The following GSE1 variants were observed in gnomAD, a reference collection of about 807,000 sequenced individuals.
GSE1 encodes genetic suppressor element 1.
A neutral mutation model predicts 112.6 loss-of-function variants in GSE1; 32 were observed. The ratio of observed to expected loss-of-function variants is 0.28; its 90% confidence interval spans 0.21 to 0.38. The LOEUF is 0.38. GSE1 is among the 10% of genes least tolerant of loss of function. The pLI is 1.00. For synonymous variants in GSE1, 1,115 were observed against 735.6 expected (o/e 1.52, Z -8.35); for missense variants, 2,348 against 1,699.2 (o/e 1.38, Z -6.71).
intron 1 of GSE1, among the ~76,000 whole-genome samples, chr16:85,307,092 G>A (rs997989687): frequency 6.6e-6 from 1 of 151,866 alleles, no homozygotes; most frequent in Non-Finnish European, 1.5e-5. Context: ...GTTGTTCTGT[G>A]CTCTGGTCAC....
intron 1 of GSE1, among the ~76,000 whole-genome samples, chr16:85,350,221 T>G (rs997786912): frequency 6.6e-6 from 1 of 152,160 alleles, no homozygotes; most frequent in African/African-American, 2.4e-5. Context: ...GCCAGAGCAG[T>G]TGTGGCTCGC....
chr16:85,667,652 G>A lies in GSE1; in HGVS notation c.3131-488G>A, dbSNP rs2052980915. ...GCGGGCAGATCACCTGAGGTCCGGA[G>A]TTTGAAACCAGCCTGGGCCAACATG... On this transcript the variant is annotated intron_variant, in intron 13 of 15. Coordinates refer to ENST00000253458, the MANE Select transcript of GSE1 (RefSeq NM_014615.5). Among the ~76,000 whole-genome samples the A allele has an allele frequency of 2.6e-5, 4 of 152,236 alleles. No individual in the cohort carries two copies. In the South Asian group the frequency reaches 8.3e-4, roughly 31 times the overall value.
At chr16:85,184,435 C>T (rs1385667407) in intron 1 of GSE1, among the ~76,000 whole-genome samples, 1 of 152,228 alleles carries the variant, frequency 6.6e-6, no homozygotes, top group African/African-American at 2.4e-5. Flanking sequence ...TTTCTAACCT[C>T]AGTGATGCCT....
chr16:85,205,797 A>G (rs183354357), intron 1 of GSE1, among the ~76,000 whole-genome samples: 25 of 152,230 alleles, frequency 1.6e-4, no homozygotes, highest in Non-Finnish European at 2.6e-4. Flanking sequence ...GACTGGGAGG[A>G]CATTTGAACT....
At chr16:85,641,842 C>T (rs1024851875) in intron 2 of GSE1, among the ~76,000 whole-genome samples, 4 of 152,258 alleles carry the variant, frequency 2.6e-5, no homozygotes, top group African/African-American at 4.8e-5. Flanking sequence ...CTGTGGCTCC[C>T]GTGGGCCTCC....
chr16:85,350,997 C>G (rs1484024695), intron 1 of GSE1, among the ~76,000 whole-genome samples: 1 of 152,220 alleles, frequency 6.6e-6, no homozygotes, highest in Non-Finnish European at 1.5e-5. Flanking sequence ...CCAGGCTGGT[C>G]TCGAACTTCT....
chr16:85,223,419 A>G (rs976484427), intron 1 of GSE1, among the ~76,000 whole-genome samples: 7 of 147,888 alleles, frequency 4.7e-5, no homozygotes, highest in Non-Finnish European at 7.5e-5. Context: ...GCTAATCGGG[A>G]GGCTGAGACA....
intron 2 of GSE1, among the ~76,000 whole-genome samples, chr16:85,497,520 C>T (rs1046616302): frequency 2.0e-5 from 3 of 152,186 alleles, no homozygotes; most frequent in Non-Finnish European, 4.4e-5. Context: ...AGAGGCACCC[C>T]GCTCTTATTT....
intron 2 of GSE1, among the ~76,000 whole-genome samples, chr16:85,478,911 CTTTCTTTCTT>C (rs2050571988): frequency 3.6e-4 from 21 of 58,672 alleles, no homozygotes; most frequent in African/African-American, 1.7e-3. Flanking sequence ...TTCTTTCTTT[CTTTCTTTCTT>C]TCTTTCTCTT....
At chr16:85,385,864 G>A (rs536846751) in intron 2 of GSE1, among the ~76,000 whole-genome samples, 1 of 152,216 alleles carries the variant, frequency 6.6e-6, no homozygotes. Context: ...TCCAGCTCCA[G>A]CTCCAGCTTG....
intron 1 of GSE1, among the ~76,000 whole-genome samples, chr16:85,201,151 C>T (rs2075021139): frequency 6.6e-6 from 1 of 152,134 alleles, no homozygotes; most frequent in Admixed American, 6.5e-5. Flanking sequence ...TAGCTCACTG[C>T]AGCCTCAACC....
At chr16:85,384,135 CA>C (rs2047630950) in intron 2 of GSE1, among the ~76,000 whole-genome samples, 3 of 152,212 alleles carry the variant, frequency 2.0e-5, no homozygotes, top group Admixed American at 2.0e-4. Flanking sequence ...ACTCCCCTTA[CA>C]GGGGGGCACA....
intron 1 of GSE1, among the ~76,000 whole-genome samples, chr16:85,629,461 G>T (rs1393175089): frequency 6.6e-6 from 1 of 152,202 alleles, no homozygotes; most frequent in Non-Finnish European, 1.5e-5. Flanking sequence ...GGTTTGCAGG[G>T]CATAGTCAGC....
chr16:85,295,882 G>A (rs2045352461), intron 1 of GSE1, among the ~76,000 whole-genome samples: 1 of 151,796 alleles, frequency 6.6e-6, no homozygotes, highest in Non-Finnish European at 1.5e-5. Flanking sequence ...TGGGACTACA[G>A]GTGTGAGCCA....
At chr16:85,313,947 T>A (rs960319991) in intron 1 of GSE1, among the ~76,000 whole-genome samples, 1 of 137,444 alleles carries the variant, frequency 7.3e-6, no homozygotes, top group East Asian at 2.0e-4. Context: ...TGTGTGTGTG[T>A]GACATAGCCT....
intron 14 of GSE1, among the ~76,000 whole-genome samples, chr16:85,670,163 G>A (rs3812965): frequency 6.6e-6 from 1 of 152,138 alleles, no homozygotes; most frequent in East Asian, 1.9e-4. Flanking sequence ...GGGGTCTTTG[G>A]ATTTTTGTGT....
chr16:85,482,561 G>A (rs1349012577), intron 2 of GSE1, among the ~76,000 whole-genome samples: 2 of 152,170 alleles, frequency 1.3e-5, no homozygotes, highest in African/African-American at 2.4e-5. Flanking sequence ...TATGAGAACC[G>A]ACGTGAGTGA....
chr16:85,634,951 G>GT (rs1235710602), intron 2 of GSE1, among the ~76,000 whole-genome samples: 11 of 149,180 alleles, frequency 7.4e-5, no homozygotes, highest in Non-Finnish European at 1.5e-4. Flanking sequence ...CTGCTGACAG[G>GT]CGGGGGGGCT....
chr16:85,416,421 C>T (rs1323572098), intron 2 of GSE1, among the ~76,000 whole-genome samples: 2 of 152,062 alleles, frequency 1.3e-5, no homozygotes, highest in African/African-American at 4.8e-5. Flanking sequence ...GGGGTGGGGC[C>T]ATGGGTTCAG....
Sources: gnomAD v4.1 joint callset for allele counts (sites outside exome capture counted in the v4.1 genomes callset) on GRCh38, gnomAD v4.1.1 for gene constraint, MANE v1.5 for transcripts, NCBI Gene and HGNC (gene_info 2026-07-23, HGNC 2026-07-21) for gene names.